The following GRIK4 variants were observed in gnomAD, a reference collection of about 807,000 sequenced individuals.
GRIK4 encodes glutamate receptor ionotropic, kainate 4.
GRIK4 carries 40 observed loss-of-function variants against 104.9 expected under a neutral mutation model. The observed-to-expected ratio is 0.38, with a 90% CI of 0.30 to 0.50. The LOEUF (loss-of-function observed/expected upper bound fraction) is 0.50. GRIK4 is among the 20% of genes least tolerant of loss of function. GRIK4 has a pLI of 0.93. For synonymous variants in GRIK4, 485 were observed against 524.9 expected (o/e 0.92, Z 1.04); for missense variants, 1,047 against 1,308.1 (o/e 0.80, Z 3.08).
chr11:120,917,271 AAGAAAGAAAG>A (rs1943129104), intron 13 of GRIK4, among the ~76,000 whole-genome samples: 4 of 138,522 alleles, frequency 2.9e-5, no homozygotes, highest in African/African-American at 1.2e-4. Context: ...AAAAAAAAAA[AAGAAAGAAAG>A]AAAGAAAGAA....
chr11:120,630,568 T>C (rs886153888), intron 1 of GRIK4, among the ~76,000 whole-genome samples: 2 of 152,044 alleles, frequency 1.3e-5, no homozygotes, highest in Admixed American at 1.3e-4. Context: ...CTTTTAAGGG[T>C]GTTGGGCCGA....
chr11:120,798,135 A>G (rs1952555454), intron 3 of GRIK4, among the ~76,000 whole-genome samples: 1 of 150,514 alleles, frequency 6.6e-6, no homozygotes, highest in African/African-American at 2.4e-5. Flanking sequence ...CGGAGAGAAA[A>G]AGAGAGTGAG....
intron 3 of GRIK4, among the ~76,000 whole-genome samples, chr11:120,779,528 A>T (rs979439740): frequency 6.6e-6 from 1 of 152,232 alleles, no homozygotes; most frequent in Admixed American, 6.5e-5. Context: ...AACAAGGGTG[A>T]GGCTACATTT....
chr11:120,912,153 A>C lies in GRIK4; in HGVS notation c.1476+6660A>C, dbSNP rs1943012919. 1.3e-5 allele frequency among the ~76,000 whole-genome samples: 2 copies of C among 152,212 alleles called. 1 individual carries two copies. Among genetic ancestry groups the C allele is most frequent in the Admixed American group, 1.3e-4 (2 of 15,290 alleles). The stretch of plus-strand genomic sequence containing the variant: ...GGAATGTGAGAGAGAGGGAGAATGT[A>C]GGATGACTCACCAGTTTCTGACTTG... On this transcript the variant is annotated intron_variant, in intron 13 of 20. Coordinates refer to ENST00000527524, the MANE Select transcript of GRIK4 (RefSeq NM_014619.5).
At chr11:120,839,897 A>C (rs1180558305) in intron 8 of GRIK4, among the ~76,000 whole-genome samples, 1 of 152,230 alleles carries the variant, frequency 6.6e-6, no homozygotes, top group Non-Finnish European at 1.5e-5. Context: ...TCGAACTTCT[A>C]AACCATCAGT....
At chr11:120,795,092 C>G (rs1435758856) in intron 3 of GRIK4, among the ~76,000 whole-genome samples, 4 of 152,156 alleles carry the variant, frequency 2.6e-5, no homozygotes, top group Non-Finnish European at 4.4e-5. Flanking sequence ...ACACAGGGCT[C>G]TATCCGGCTG....
At chr11:120,528,310 A>T (rs1247708133) in intron 1 of GRIK4, among the ~76,000 whole-genome samples, 1 of 151,998 alleles carries the variant, frequency 6.6e-6, no homozygotes, top group Non-Finnish European at 1.5e-5. Flanking sequence ...ATGGGGTTTC[A>T]CAGTGTTAGC....
chr11:120,625,458 G>T (rs1472270511), intron 1 of GRIK4, among the ~76,000 whole-genome samples: 2 of 152,214 alleles, frequency 1.3e-5, no homozygotes, highest in African/African-American at 2.4e-5. Flanking sequence ...TGAAGCAGCA[G>T]CTGGCCACCT....
chr11:120,727,095 T>C (rs187229972), intron 3 of GRIK4, among the ~76,000 whole-genome samples: 1 of 152,116 alleles, frequency 6.6e-6, no homozygotes, highest in Admixed American at 6.5e-5. Context: ...CACTGGAAAA[T>C]GTGATGGGCC....
chr11:120,908,200 G>A (rs1414979143), intron 13 of GRIK4, among the ~76,000 whole-genome samples: 1 of 152,188 alleles, frequency 6.6e-6, no homozygotes, highest in Non-Finnish European at 1.5e-5. Context: ...AGATCACACA[G>A]CTAGTAAGTT....
chr11:120,805,914 A>G (rs970654110), intron 4 of GRIK4, among the ~76,000 whole-genome samples: 5 of 152,218 alleles, frequency 3.3e-5, no homozygotes, highest in African/African-American at 1.2e-4. Flanking sequence ...GCTGTGTGGT[A>G]TAAAAATTCA....
intron 5 of GRIK4, 90 bp downstream of exon 5, chr11:120,815,565 G>A (rs1019172629): frequency 2.8e-6 from 2 of 704,808 alleles, no homozygotes; most frequent in African/African-American, 3.7e-5. Flanking sequence ...GGCTGGAAGA[G>A]CCTGTCAAGG....
chr11:120,826,543 T>C lies in GRIK4; in HGVS notation c.512-5309T>C, dbSNP rs4075785. Among the ~76,000 whole-genome samples, 1,292 of 152,342 alleles carry C rather than the reference T, an allele frequency of 8.5e-3. 25 individuals are homozygous for C. Among genetic ancestry groups the C allele is most frequent in the African/African-American group, 0.029 (1,222 of 41,570 alleles). On this transcript the variant is annotated intron_variant, in intron 6 of 20. Coordinates refer to ENST00000527524, the MANE Select transcript of GRIK4 (RefSeq NM_014619.5). ...GAAGGTTATTCTCAGAGCAGGGATG[T>C]CTACCAGGTCCCAGTAGCTGAGGCC... is the stretch of plus-strand genomic sequence containing the variant.
chr11:120,753,441 A>C (rs1419414709), intron 3 of GRIK4, among the ~76,000 whole-genome samples: 1 of 152,058 alleles, frequency 6.6e-6, no homozygotes. Context: ...TCATTGGCTG[A>C]GCGGCCTCAG....
chr11:120,632,641 T>C (rs1949345998), intron 1 of GRIK4, among the ~76,000 whole-genome samples: 1 of 152,100 alleles, frequency 6.6e-6, no homozygotes, highest in Non-Finnish European at 1.5e-5. Flanking sequence ...AAAACTTGGC[T>C]CTTCCAGGAA....
intron 3 of GRIK4, among the ~76,000 whole-genome samples, chr11:120,662,619 C>A (rs1467970641): frequency 6.6e-6 from 1 of 152,030 alleles, no homozygotes; most frequent in Non-Finnish European, 1.5e-5. Flanking sequence ...TGCAGATGGG[C>A]TGGGCTGGCG....
intron 11 of GRIK4, among the ~76,000 whole-genome samples, chr11:120,886,351 A>G (rs1023722144): frequency 2.6e-5 from 4 of 152,170 alleles, no homozygotes; most frequent in African/African-American, 7.2e-5. Context: ...ATGACCCCTA[A>G]GCATAGTGCT....
At chr11:120,553,322 G>A (rs1948157429) in intron 1 of GRIK4, among the ~76,000 whole-genome samples, 1 of 152,190 alleles carries the variant, frequency 6.6e-6, no homozygotes, top group Admixed American at 6.5e-5. Flanking sequence ...TGGCACTGGG[G>A]ACACCCAGAG....
chr11:120,698,647 C>T (rs556938609), intron 3 of GRIK4, among the ~76,000 whole-genome samples: 2 of 152,226 alleles, frequency 1.3e-5, no homozygotes, highest in African/African-American at 4.8e-5. Context: ...CATGCCATCA[C>T]GGCCTGCTGC....
Sources: allele counts gnomAD v4.1 joint callset (sites outside exome capture counted in the v4.1 genomes callset), GRCh38; gene constraint gnomAD v4.1.1; transcripts MANE v1.5; gene names NCBI Gene and HGNC (gene_info 2026-07-23, HGNC 2026-07-21).